Variants in NKAIN3 observed in about 807,000 individuals in gnomAD.
NKAIN3 encodes sodium/potassium transporting ATPase interacting 3.
Under a neutral mutation model 30.2 loss-of-function variants are expected in NKAIN3, and 25 were observed. The ratio of observed to expected loss-of-function variants is 0.83; its 90% CI spans 0.60 to 1.16. The LOEUF (loss-of-function observed/expected upper bound fraction) is 1.16. NKAIN3 is among the 50% of genes most tolerant of loss of function. NKAIN3 has a pLI of 0.00. For synonymous variants in NKAIN3, 91 were observed against 89.6 expected (o/e 1.02, Z -0.09); for missense variants, 225 against 254.1 (o/e 0.89, Z 0.78).
rs771492853 is a variant in NKAIN3 at position 62,960,991 on chromosome 8, A to G, written c.604-4363A>G. Among the ~76,000 whole-genome samples, 12 of 152,198 alleles carry G rather than the reference A, an allele frequency of 7.9e-5. No homozygotes were observed. The South Asian group carries it at 1.9e-3, about 24-fold the overall frequency. ...CAATCATAGCATCATTAAAAGTGGG[A>G]CAACCAGGCCGGGCATGGTGGCTCA... is the stretch of plus-strand genomic sequence containing the variant. On this transcript the variant is annotated intron_variant, in intron 6 of 6. Transcript: ENST00000623646.
chr8:62,650,540 C>A (rs1812591560), intron 3 of NKAIN3, among the ~76,000 whole-genome samples: 1 of 152,120 alleles, frequency 6.6e-6, no homozygotes, highest in South Asian at 2.1e-4. Context: ...TATTTCTATT[C>A]TTCTCGATTG....
intron 1 of NKAIN3, among the ~76,000 whole-genome samples, chr8:62,332,994 T>C (rs1466780398): frequency 1.3e-5 from 2 of 152,158 alleles, no homozygotes; most frequent in African/African-American, 4.8e-5. Context: ...AATGAGACTC[T>C]GTGTCAAAAA....
chr8:62,270,019 C>T (rs150813842), intron 1 of NKAIN3, among the ~76,000 whole-genome samples: 3 of 152,096 alleles, frequency 2.0e-5, no homozygotes, highest in Non-Finnish European at 2.9e-5. Context: ...TTAGCTAATG[C>T]GGAGGTCCTT....
chr8:62,922,411 A>G (rs1423659561), intron 5 of NKAIN3, among the ~76,000 whole-genome samples: 1 of 152,206 alleles, frequency 6.6e-6, no homozygotes, highest in Non-Finnish European at 1.5e-5. Context: ...AGGAAAAAAA[A>G]AGACTAGTTT....
At chr8:62,921,711 T>C (rs551117206) in intron 5 of NKAIN3, among the ~76,000 whole-genome samples, 2 of 152,234 alleles carry the variant, frequency 1.3e-5, no homozygotes, top group South Asian at 4.1e-4. Flanking sequence ...TAAATATATA[T>C]ACATAAATAT....
Position 62,610,929 on chromosome 8 carries a change from G to C in NKAIN3, c.273+21135G>C, listed in dbSNP as rs561791254. Among the ~76,000 whole-genome samples the C allele has an allele frequency of 2.0e-5, 3 of 152,090 alleles. No individual in the cohort carries two copies. In the East Asian group the frequency reaches 5.8e-4, roughly 29 times the overall value. The stretch of plus-strand genomic sequence containing the variant: ...ATAGTAGAATCTTAGTTTCATAGTA[G>C]AATAGTGATTCTACTGTGCTCTTTT... On this transcript the variant is annotated intron_variant, in intron 3 of 6. Transcript: ENST00000623646.
chr8:62,787,695 A>G (rs967388702), intron 4 of NKAIN3, among the ~76,000 whole-genome samples: 5 of 151,928 alleles, frequency 3.3e-5, no homozygotes, highest in Non-Finnish European at 7.4e-5. Flanking sequence ...CCACCCCACA[A>G]CAGTCCCCGG....
At chr8:62,868,395 T>C (rs1820489720) in intron 4 of NKAIN3, among the ~76,000 whole-genome samples, 1 of 151,974 alleles carries the variant, frequency 6.6e-6, no homozygotes, top group South Asian at 2.1e-4. Context: ...ACTAAGACTA[T>C]GCTAGCAAAA....
At chr8:62,638,592 T>C (rs1812207740) in intron 3 of NKAIN3, among the ~76,000 whole-genome samples, 1 of 152,048 alleles carries the variant, frequency 6.6e-6, no homozygotes, top group Non-Finnish European at 1.5e-5. Flanking sequence ...AGAACTAGAG[T>C]GTATCTTCGT....
rs571530254 is a variant in NKAIN3, at chr8:62,844,879, A to G, written c.472-73574A>G. 2.6e-3 allele frequency among the ~76,000 whole-genome samples: 391 copies of G among 152,138 alleles called. 3 individuals are homozygous for G. The highest frequency in any genetic ancestry group is 9.0e-3 in the African/African-American group (374 of 41,532). ...GCCTGGGCAGTCGACTAACCACAGC[A>G]TCACCAACACGAATCATACTCCCAT... On this transcript the variant is annotated intron_variant, in intron 4 of 6. Coordinates refer to ENST00000623646, the MANE Select transcript of NKAIN3 (RefSeq NM_001304533.3).
intron 1 of NKAIN3, among the ~76,000 whole-genome samples, chr8:62,453,703 C>T (rs928270695): frequency 3.9e-5 from 6 of 151,924 alleles, no homozygotes; most frequent in Admixed American, 6.6e-5. Context: ...GCATTACCAC[C>T]GACCCCACAG....
At chr8:62,617,237 A>G (rs760682286) in intron 3 of NKAIN3, among the ~76,000 whole-genome samples, 19 of 152,170 alleles carry the variant, frequency 1.2e-4, no homozygotes, top group Non-Finnish European at 2.5e-4. Context: ...ATAGCAATGC[A>G]AGAATGGCCT....
chr8:62,897,900 C>T (rs1418627959), intron 4 of NKAIN3, among the ~76,000 whole-genome samples: 1 of 152,150 alleles, frequency 6.6e-6, no homozygotes, highest in Non-Finnish European at 1.5e-5. Context: ...AGACCCCCAC[C>T]AGATGCAGAT....
chr8:62,286,875 A>G (rs1813395536), intron 1 of NKAIN3, among the ~76,000 whole-genome samples: 1 of 151,842 alleles, frequency 6.6e-6, no homozygotes, highest in African/African-American at 2.4e-5. Flanking sequence ...AGATACTTGG[A>G]AGTATGTTTG....
chr8:62,700,920 A>G (rs954691140), intron 3 of NKAIN3, among the ~76,000 whole-genome samples: 6 of 152,192 alleles, frequency 3.9e-5, no homozygotes, highest in African/African-American at 1.4e-4. Context: ...TAACTGCTTC[A>G]TGGTGCTCTT....
At chr8:62,673,325 ATAGAG>A (rs755030303) in intron 3 of NKAIN3, among the ~76,000 whole-genome samples, 22 of 152,372 alleles carry the variant, frequency 1.4e-4, no homozygotes, top group East Asian at 1.2e-3. Flanking sequence ...TTTTCTATGC[ATAGAG>A]TAAACAAGTC....
At chr8:62,653,633 A>C (rs900242049) in intron 3 of NKAIN3, among the ~76,000 whole-genome samples, 5 of 152,188 alleles carry the variant, frequency 3.3e-5, no homozygotes, top group African/African-American at 1.2e-4. Flanking sequence ...TGAAAGGAAC[A>C]AGGAGGATGC....
chr8:62,340,897 G>A (rs1370622202), intron 1 of NKAIN3, among the ~76,000 whole-genome samples: 6 of 151,970 alleles, frequency 3.9e-5, no homozygotes, highest in Non-Finnish European at 5.9e-5. Context: ...CAAGGAAAGC[G>A]TCTTGTCATC....
intron 5 of NKAIN3, among the ~76,000 whole-genome samples, chr8:62,996,782 A>G (rs900497909): frequency 6.6e-6 from 1 of 152,192 alleles, no homozygotes; most frequent in African/African-American, 2.4e-5. Context: ...CAGTCATTAA[A>G]TCTTAAAGGT....
Sources: allele counts gnomAD v4.1 joint callset (sites outside exome capture counted in the v4.1 genomes callset), GRCh38; gene constraint gnomAD v4.1.1; transcripts MANE v1.5; gene names NCBI Gene and HGNC (gene_info 2026-07-23, HGNC 2026-07-21).